DAPK1: variants seen among roughly 807,000 people sequenced by gnomAD.
DAPK1 encodes the protein death-associated protein kinase 1.
A neutral mutation model predicts 144.9 loss-of-function variants in DAPK1; 56 were observed. The observed-to-expected ratio is 0.39, with a 90% CI of 0.31 to 0.48. The LOEUF (loss-of-function observed/expected upper bound fraction) is 0.48. DAPK1 is among the 20% of genes least tolerant of loss of function. DAPK1 has a pLI of 0.95. For missense variants in DAPK1, 1,454 were observed against 1,875.4 expected (o/e 0.78, Z 4.15); for synonymous variants, 690 against 749.0 (o/e 0.92, Z 1.29).
At chr9:87,684,984 C>G (rs1295243745) in intron 20 of DAPK1, among the ~76,000 whole-genome samples, 1 of 152,188 alleles carries the variant, frequency 6.6e-6, no homozygotes, top group Admixed American at 6.5e-5. Flanking sequence ...AAGGCTTGTT[C>G]CTGACAGGCA....
chr9:87,563,243 C>A (rs1826996393), intron 2 of DAPK1, among the ~76,000 whole-genome samples: 1 of 152,178 alleles, frequency 6.6e-6, no homozygotes, highest in African/African-American at 2.4e-5. Context: ...GTCAACCAAT[C>A]CACACAAATT....
chr9:87,576,836 A>G (rs887069820), intron 2 of DAPK1, among the ~76,000 whole-genome samples: 6 of 152,168 alleles, frequency 3.9e-5, no homozygotes, highest in African/African-American at 1.4e-4. Context: ...CTGAGATTAC[A>G]GGCGTGAGCC....
At chr9:87,541,830 A>C (rs953819348) in intron 2 of DAPK1, among the ~76,000 whole-genome samples, 1 of 152,176 alleles carries the variant, frequency 6.6e-6, no homozygotes. Context: ...AATGTGATGC[A>C]TGTTTTCCTG....
chr9:87,583,996 G>A (rs1433503702), intron 2 of DAPK1, among the ~76,000 whole-genome samples: 2 of 152,040 alleles, frequency 1.3e-5, no homozygotes, highest in Non-Finnish European at 2.9e-5. Context: ...TATTGGGGCT[G>A]GATACATTTT....
chr9:87,660,568 TG>T (rs1365088131), intron 18 of DAPK1, among the ~76,000 whole-genome samples: 2 of 152,174 alleles, frequency 1.3e-5, no homozygotes, highest in African/African-American at 4.8e-5. Context: ...GGGTCTTCAG[TG>T]TGTCCATCAC....
At chr9:87,564,507 A>G (rs1827044907) in intron 2 of DAPK1, among the ~76,000 whole-genome samples, 1 of 151,984 alleles carries the variant, frequency 6.6e-6, no homozygotes, top group Non-Finnish European at 1.5e-5. Flanking sequence ...TGGGAGGTCC[A>G]AGACCATGTC....
intron 2 of DAPK1, among the ~76,000 whole-genome samples, chr9:87,604,415 A>G (rs1486600125): frequency 1.3e-5 from 2 of 152,224 alleles, no homozygotes; most frequent in African/African-American, 2.4e-5. Context: ...AGAAGTGACC[A>G]ACAAATATTT....
At chr9:87,676,778 C>T (rs527345028) in intron 19 of DAPK1, among the ~76,000 whole-genome samples, 1 of 152,308 alleles carries the variant, frequency 6.6e-6, no homozygotes, top group South Asian at 2.1e-4. Flanking sequence ...GAAGTGCCTT[C>T]CGAGTGGGAT....
At chr9:87,586,236 T>G (rs1201962531) in intron 2 of DAPK1, among the ~76,000 whole-genome samples, 2 of 152,072 alleles carry the variant, frequency 1.3e-5, no homozygotes, top group Non-Finnish European at 2.9e-5. Flanking sequence ...TATAGTGAGC[T>G]GAGATAGCGC....
intron 20 of DAPK1, among the ~76,000 whole-genome samples, chr9:87,684,366 C>T (rs1824754992): frequency 6.6e-6 from 1 of 152,032 alleles, no homozygotes; most frequent in Non-Finnish European, 1.5e-5. Context: ...GGCCAGGGCT[C>T]TGGACACCAG....
Position 87,610,467 on chromosome 9 carries a change from C to T in DAPK1, c.284+5292C>T, listed in dbSNP as rs75468593. Among the ~76,000 whole-genome samples the T allele has an allele frequency of 7.9e-3, 1,208 of 152,366 alleles. 8 individuals are homozygous for T. Among genetic ancestry groups the T allele is most frequent in the Non-Finnish European group, 0.012 (801 of 68,042 alleles). Reference sequence around the variant, plus strand: ...AAGCCAAACTCACAGAACTTAAAGTCGATGCTATTTCTAAAGTGTGTGGCA... The same window carrying T: ...AAGCCAAACTCACAGAACTTAAAGTTGATGCTATTTCTAAAGTGTGTGGCA... On this transcript the variant is annotated intron_variant, in intron 3 of 25. Transcript: ENST00000408954.
intron 2 of DAPK1, among the ~76,000 whole-genome samples, chr9:87,568,749 G>A (rs535369355): frequency 3.5e-4 from 53 of 152,334 alleles, no homozygotes; most frequent in African/African-American, 1.3e-3. Context: ...AATCCTTGCA[G>A]AGTGGGTAAT....
At chr9:87,678,915 T>C (rs116253558) in intron 19 of DAPK1, among the ~76,000 whole-genome samples, 1,538 of 152,110 alleles carry the variant, frequency 0.01, 29 homozygotes, top group African/African-American at 0.034. Flanking sequence ...GAATTGCAAA[T>C]GGAAATAGGA....
At chr9:87,647,446 TG>T in intron 14 of DAPK1, 43 bp downstream of exon 14, 2 of 1,523,756 alleles carry the variant, frequency 1.3e-6, no homozygotes, top group Non-Finnish European at 1.8e-6. Context: ...TGGTAGTAAA[TG>T]GATGCATGTG....
rs577308726 is a variant in DAPK1, at chr9:87,645,093, G to A, written c.1012-802G>A. On this transcript the variant is annotated intron_variant, in intron 11 of 25. Coordinates refer to ENST00000408954, the MANE Select transcript of DAPK1 (RefSeq NM_004938.4). ...CACAAGCAGAGATTCAGCCTCTGTAGATTAACTTTTCCAGATTTGAAATTC... is the reference window on the plus strand; with the variant it reads ...CACAAGCAGAGATTCAGCCTCTGTAAATTAACTTTTCCAGATTTGAAATTC... 2.0e-5 allele frequency among the ~76,000 whole-genome samples: 3 copies of A among 152,280 alleles called. No homozygotes were observed. In the South Asian group the frequency reaches 6.2e-4, roughly 32 times the overall value.
chr9:87,639,813 C>T lies in DAPK1; in HGVS notation c.627C>T (p.Ile209=), dbSNP rs2119131333. The change falls in exon 7 of 26, where the codon ATC becomes ATT. Residue 209 remains isoleucine, a splice_region_variant and synonymous_variant. Coordinates refer to ENST00000408954, the MANE Select transcript of DAPK1 (RefSeq NM_004938.4). ...GGAGTATCGGGGTAATAACCTATATCCTGTAAGTATCAGAATTCACAACTC... is the reference window on the plus strand; with the variant it reads ...GGAGTATCGGGGTAATAACCTATATTCTGTAAGTATCAGAATTCACAACTC... ...DMWSIGVITY[I]LLSGASPFLG... 6.2e-7 allele frequency: 1 copy of T among 1,613,276 alleles called. No homozygotes were observed. Among genetic ancestry groups the T allele is most frequent in the Non-Finnish European group, 8.5e-7 (1 of 1,179,436 alleles).
chr9:87,638,892 A>G (rs562810108), intron 4 of DAPK1, among the ~76,000 whole-genome samples: 3 of 152,328 alleles, frequency 2.0e-5, no homozygotes, highest in Non-Finnish European at 2.9e-5. Flanking sequence ...TCTTCCTGGC[A>G]TCTTGTTTCT....
At chr9:87,541,645 C>T (rs190460441) in intron 2 of DAPK1, among the ~76,000 whole-genome samples, 30 of 151,510 alleles carry the variant, frequency 2.0e-4, no homozygotes, top group African/African-American at 6.5e-4. Flanking sequence ...CAGAGAAAAA[C>T]ACTCTAGTCA....
chr9:87,552,556 A>G (rs1826534628), intron 2 of DAPK1, among the ~76,000 whole-genome samples: 1 of 152,120 alleles, frequency 6.6e-6, no homozygotes, highest in South Asian at 2.1e-4. Context: ...ATCAATTAAA[A>G]TAATTTTATT....
Sources: allele counts gnomAD v4.1 joint callset (sites outside exome capture counted in the v4.1 genomes callset), GRCh38; gene constraint gnomAD v4.1.1; transcripts MANE v1.5; gene names NCBI Gene and HGNC (gene_info 2026-07-23, HGNC 2026-07-21).